DOP1B: variants seen among roughly 807,000 people sequenced by gnomAD.
DOP1B encodes the protein DOP1 leucine zipper like protein B, also known as protein DOP1B.
In DOP1B, 174 loss-of-function variants were observed where a neutral mutation model predicts 233.5. The ratio of observed to expected loss-of-function variants is 0.75; its 90% CI spans 0.66 to 0.85. The LOEUF (loss-of-function observed/expected upper bound fraction) is 0.85, where lower values mean the gene tolerates loss of function less well. Ranked by LOEUF, DOP1B falls within the 40% of genes least tolerant of loss-of-function variation. The probability of loss-of-function intolerance (pLI) is 0.00; values close to 1 mark genes in which losing one functional copy is unlikely to be tolerated. For missense variants in DOP1B, 2,652 were observed against 2,846.6 expected, an observed-to-expected ratio of 0.93 and a Z score of 1.56; for synonymous variants, 1,190 against 1,185.6, an observed-to-expected ratio of 1.00 and a Z score of -0.08.
At chr21:36,276,305 C>A (rs146733812) in intron 27 of DOP1B, among the ~76,000 whole-genome samples, 6 of 151,940 alleles carry the variant, frequency 3.9e-5, no homozygotes, top group African/African-American at 1.4e-4. Context: ...CCAAGGCAGG[C>A]AAATTACTTG....
Position 36,232,955 on chromosome 21 carries a change from G to T in DOP1B, c.2502G>T (p.Lys834Asn), listed in dbSNP as rs1029935193. The T allele has an allele frequency of 6.2e-7, 1 of 1,614,142 alleles. No homozygotes were observed. The highest frequency in any genetic ancestry group is 8.5e-7 in the Non-Finnish European group (1 of 1,180,036). The change falls in exon 15 of 37, where the codon AAG (lysine) becomes AAT (asparagine). Residue 834 changes from lysine (K) to asparagine (N), a missense_variant. Lys to Asn is a moderately conservative substitution (Grantham distance 94). Coordinates refer to ENST00000691173, the MANE Select transcript of DOP1B (RefSeq NM_001320714.2). ...SQSLALVIED[K>N]MKRYKSSGHN... is the part of the protein sequence containing the mutation. ...CCCTGGCGCTTGTCATTGAAGACAA[G>T]ATGAAACGCTATAAGAGCTCTGGAC...
chr21:36,173,312 C>T (rs2065989944), intron 2 of DOP1B, among the ~76,000 whole-genome samples: 1 of 152,026 alleles, frequency 6.6e-6, no homozygotes, highest in African/African-American at 2.4e-5. Context: ...AACTGGTTCC[C>T]AGAAGGTCTT....
At position 36,292,256 on chromosome 21, in the gene DOP1B, C is replaced by CTTTT. The variant is rs55884666; in HGVS notation, c.6645+35_6645+38dup. 2.9e-3 allele frequency: 3,877 copies of CTTTT among 1,333,086 alleles called. 1 individual carries two copies. Among genetic ancestry groups the CTTTT allele is most frequent in the South Asian group, 3.4e-3 (224 of 65,558 alleles). 82.6% of individuals were successfully genotyped at this position (1,333,086 alleles called of 1,614,324 possible). ...GGGGTAAGTGCTTTTCTTTTCTTTT[C>CTTTT]TTTTTTTTTTTTTTTGGTGAGACAG... On this transcript the variant is annotated intron_variant, in intron 36 of 36. Transcript: ENST00000691173.
chr21:36,292,070 C>T, intron 35 of DOP1B, 34 bp from the exon 36 acceptor site: 1 of 1,566,982 alleles, frequency 6.4e-7, no homozygotes, highest in Non-Finnish European at 8.6e-7. Flanking sequence ...AGGCCTCTTA[C>T]CAGCAGACCT....
In DOP1B at chr21:36,223,218, TC is replaced by T. The variant is rs1242575415; in HGVS notation, c.1251-9del. The T allele has an allele frequency of 6.4e-6, 10 of 1,567,798 alleles. No homozygotes were observed. Among genetic ancestry groups the T allele is most frequent in the Non-Finnish European group, 8.6e-6 (10 of 1,165,136 alleles). On this transcript the variant is annotated splice_polypyrimidine_tract_variant and intron_variant, in intron 10 of 36. Transcript: ENST00000691173. ...TTTATAGACATATTTATTCATGTCC[TC>T]CCCTTTTACAGTGCAATCAAGGAAA... is the stretch of plus-strand genomic sequence containing the variant.
Position 36,208,885 on chromosome 21 carries a change from G to C in DOP1B, c.662G>C (p.Gly221Ala). Residue 221 changes from glycine (G) to alanine (A), a missense_variant, in exon 5 of 37, where the codon GGG becomes GCG. Transcript: ENST00000691173. ...APGREQKYML[G>A]TNHQLTVKSL... ...GGCCGGGAGCAGAAGTACATGCTGG[G>C]GACCAATCACCAACTCACGGTGGGT... The C allele has an allele frequency of 6.5e-7, 1 of 1,540,538 alleles. No homozygotes were observed. The highest frequency in any genetic ancestry group is 2.4e-5 in the East Asian group (1 of 42,064).
At chr21:36,252,329 G>T (rs2067040807) in intron 22 of DOP1B, among the ~76,000 whole-genome samples, 1 of 151,608 alleles carries the variant, frequency 6.6e-6, no homozygotes. Flanking sequence ...ATGGTGGTAT[G>T]CGCCTATAGT....
chr21:36,247,061 G>A (rs1233842549), intron 19 of DOP1B, among the ~76,000 whole-genome samples: 1 of 152,034 alleles, frequency 6.6e-6, no homozygotes, highest in Non-Finnish European at 1.5e-5. Flanking sequence ...TTGTATTTTA[G>A]TAGACACGGG....
chr21:36,182,806 G>A (rs2066116208), intron 2 of DOP1B, among the ~76,000 whole-genome samples: 1 of 152,166 alleles, frequency 6.6e-6, no homozygotes, highest in African/African-American at 2.4e-5. Context: ...TCTAGCCTGG[G>A]CAACAGAGCA....
At position 36,208,845 on chromosome 21, in the gene DOP1B, A is replaced by G; in HGVS notation, c.622A>G (p.Asn208Asp). ...PASVFVVGHINRDAPGREQKY... is the reference protein window; with the variant it reads ...PASVFVVGHIDRDAPGREQKY... ...CTCAGTCTTCGTGGTGGGCCACATC[A>G]ACAGGGATGCCCCCGGCCGGGAGCA... Residue 208 changes from asparagine (N) to aspartate (D), a missense_variant, in exon 5 of 37, where the codon AAC (asparagine) becomes GAC (aspartate). Coordinates refer to ENST00000691173, the MANE Select transcript of DOP1B (RefSeq NM_001320714.2). 6.3e-7 allele frequency: 1 copy of G among 1,591,206 alleles called. No individual in the cohort carries two copies.
chr21:36,168,132 C>T (rs2065934253), intron 2 of DOP1B, among the ~76,000 whole-genome samples: 1 of 151,404 alleles, frequency 6.6e-6, no homozygotes, highest in African/African-American at 2.4e-5. Context: ...TTAGTAGAGA[C>T]AGGGTTTCAC....
At chr21:36,178,135 T>C (rs1344695546) in intron 2 of DOP1B, among the ~76,000 whole-genome samples, 1 of 152,074 alleles carries the variant, frequency 6.6e-6, no homozygotes, top group Non-Finnish European at 1.5e-5. Flanking sequence ...CTTTGGCAGA[T>C]GGTTTAGGTT....
intron 4 of DOP1B, among the ~76,000 whole-genome samples, chr21:36,203,237 G>A (rs2246810): frequency 0.32 from 48,681 of 152,062 alleles, 7,841 homozygotes; most frequent in African/African-American, 0.37. Flanking sequence ...ACCAAATGCA[G>A]TGTGGCACCC....
chr21:36,244,143 CA>C, intron 18 of DOP1B, among the ~76,000 whole-genome samples: 1 of 146,482 alleles, frequency 6.8e-6, no homozygotes, highest in East Asian at 2.2e-4. Flanking sequence ...TCTCCTGTCT[CA>C]GTCTCCCACG....
At chr21:36,231,631 T>A (rs2066765469) in intron 14 of DOP1B, among the ~76,000 whole-genome samples, 1 of 152,012 alleles carries the variant, frequency 6.6e-6, no homozygotes, top group African/African-American at 2.4e-5. Context: ...GTAAATAGAC[T>A]ATTTCATGAT....
At position 36,208,718 on chromosome 21, in the gene DOP1B, G is replaced by A. The variant is rs1310813776; in HGVS notation, c.495G>A (p.Thr165=). The change falls in exon 5 of 37, where the codon ACG becomes ACA. Residue 165 remains threonine, a synonymous_variant. Transcript: ENST00000691173. ...LEEGSEISDR[T]DALLLRLSLV... ...CCCTATCCTCTCTCATCAACAGAACGGATGCTCTGCTCCTGAGACTGTCGC... is the reference window on the plus strand; with the variant it reads ...CCCTATCCTCTCTCATCAACAGAACAGATGCTCTGCTCCTGAGACTGTCGC... 4.3e-6 allele frequency: 7 copies of A among 1,612,832 alleles called. No homozygotes were observed. In the African/African-American group the frequency reaches 5.3e-5, roughly 12 times the overall value.
intron 1 of DOP1B, among the ~76,000 whole-genome samples, chr21:36,163,567 T>G (rs750359973): frequency 6.6e-6 from 1 of 152,328 alleles, no homozygotes; most frequent in South Asian, 2.1e-4. Context: ...CCAACTTGTT[T>G]AGCAATCTAC....
In DOP1B at chr21:36,232,808, C is replaced by T. The variant is rs1392535263; in HGVS notation, c.2355C>T (p.Ala785=). The T allele has an allele frequency of 4.3e-6, 7 of 1,612,160 alleles. No individual in the cohort carries two copies. The highest frequency in any genetic ancestry group is 1.1e-5 in the South Asian group (1 of 90,996). ...CTCCGGCTGGCTTCCTTTCAGGAGC[C>T]GGTGATTCCAGTTTTCCATCTTGGC... is the stretch of plus-strand genomic sequence containing the variant. ...LCATLFQLPG[A]GDSSFPSWLK... is the part of the protein sequence containing the mutation. Residue 785 remains alanine (A), a synonymous_variant, in exon 15 of 37, where the codon GCC becomes GCT. Transcript: ENST00000691173.
rs926776048 is a variant in DOP1B, at chr21:36,214,084, C to T, written c.908C>T (p.Ser303Leu). The change falls in exon 8 of 37, where the codon TCA becomes TTA. Residue 303 changes from serine to leucine, a missense_variant. This residue lies in a region of DOP1B where 2,617 missense variants were observed against 2,794.3 expected (regional missense o/e 0.94). Coordinates refer to ENST00000691173, the MANE Select transcript of DOP1B (RefSeq NM_001320714.2). ...CTCGGCGCTTGTTCTTTTGTAGGCT[C>T]AGACATAAAAGGAAATACCGTTGTG... ...NRRLYAWLLG[S>L]DIKGNTVVPE... is the part of the protein sequence containing the mutation. 2 of 1,612,030 alleles carry T rather than the reference C, an allele frequency of 1.2e-6. No individual in the cohort carries two copies. The highest frequency in any genetic ancestry group is 8.5e-7 in the Non-Finnish European group (1 of 1,178,908).
Sources: gnomAD v4.1 joint callset for allele counts (sites outside exome capture counted in the v4.1 genomes callset) on GRCh38, gnomAD v4.1.1 for gene constraint, gnomAD v4.1.1 regional missense constraint, MANE v1.5 for transcripts, NCBI Gene and HGNC (gene_info 2026-07-23, HGNC 2026-07-21) for gene names.